HFM1: variants seen among roughly 807,000 people sequenced by gnomAD.
HFM1 encodes the protein helicase for meiosis 1.
In HFM1, 169 loss-of-function variants were observed where a neutral mutation model predicts 192.1. The ratio of observed to expected loss-of-function variants is 0.88; its 90% CI spans 0.78 to 1.00. The LOEUF is 1.00. Ranked by LOEUF, HFM1 falls within the 50% of genes least tolerant of loss-of-function variation. The pLI, the probability that HFM1 is intolerant of heterozygous loss-of-function variation, is 0.00. For synonymous variants in HFM1, 525 were observed against 537.8 expected (o/e 0.98, Z 0.33); for missense variants, 1,661 against 1,668.0 (o/e 1.00, Z 0.07).
At chr1:91,370,948 C>G (rs1384248011) in intron 13 of HFM1, among the ~76,000 whole-genome samples, 2 of 151,926 alleles carry the variant, frequency 1.3e-5, no homozygotes, top group Admixed American at 1.3e-4. Context: ...ACACCAATAA[C>G]AGACAAACAG....
intron 34 of HFM1, among the ~76,000 whole-genome samples, chr1:91,270,031 A>T (rs1666130608): frequency 6.6e-6 from 1 of 152,118 alleles, no homozygotes; most frequent in Admixed American, 6.6e-5. Flanking sequence ...GTAAAGGATA[A>T]CTATTGAAGA....
At chr1:91,288,895 C>A (rs527795181) in intron 30 of HFM1, among the ~76,000 whole-genome samples, 1 of 152,346 alleles carries the variant, frequency 6.6e-6, no homozygotes, top group African/African-American at 2.4e-5. Flanking sequence ...GTTGGGTACA[C>A]CTCCCAGACG....
At chr1:91,281,717 A>C (rs1479868883) in intron 30 of HFM1, among the ~76,000 whole-genome samples, 2 of 151,940 alleles carry the variant, frequency 1.3e-5, no homozygotes, top group African/African-American at 2.4e-5. Flanking sequence ...TTTCCCTTGG[A>C]ATTTTATTTT....
At chr1:91,369,413 T>G (rs977249451) in intron 13 of HFM1, among the ~76,000 whole-genome samples, 2 of 152,138 alleles carry the variant, frequency 1.3e-5, no homozygotes, top group African/African-American at 4.8e-5. Context: ...CAGACCACAG[T>G]GCAATCACAC....
At chr1:91,345,212 A>G (rs547536884) in intron 19 of HFM1, among the ~76,000 whole-genome samples, 1 of 152,318 alleles carries the variant, frequency 6.6e-6, no homozygotes, top group African/African-American at 2.4e-5. Context: ...AGACCTCTCT[A>G]AAAGTTAATA....
chr1:91,331,745 A>C (rs1041239549), intron 20 of HFM1, among the ~76,000 whole-genome samples: 20 of 152,180 alleles, frequency 1.3e-4, no homozygotes, highest in Non-Finnish European at 4.4e-5. Flanking sequence ...AAAATACAAA[A>C]ATTAGCTGGG....
intron 20 of HFM1, chr1:91,329,242 T>G: frequency 1.2e-6 from 2 of 1,609,804 alleles, no homozygotes; most frequent in Non-Finnish European, 1.7e-6. Context: ...CCTGAGGTGC[T>G]GGGCCCAGAG....
chr1:91,293,429 C>T (rs1669013673), intron 30 of HFM1, among the ~76,000 whole-genome samples: 3 of 152,028 alleles, frequency 2.0e-5, no homozygotes, highest in Non-Finnish European at 2.9e-5. Flanking sequence ...ATTTATGCAG[C>T]CAAAAAACAC....
chr1:91,306,139 G>A (rs1649570057), intron 30 of HFM1, among the ~76,000 whole-genome samples: 1 of 152,072 alleles, frequency 6.6e-6, no homozygotes, highest in Non-Finnish European at 1.5e-5. Context: ...TTCAAGACCA[G>A]CCTGACCAAC....
chr1:91,282,472 T>A (rs1392612300), intron 30 of HFM1, among the ~76,000 whole-genome samples: 1 of 152,226 alleles, frequency 6.6e-6, no homozygotes. Context: ...TTCCTTATTT[T>A]GGACTTTCAC....
chr1:91,300,701 A>G (rs1648605297), intron 30 of HFM1, among the ~76,000 whole-genome samples: 1 of 152,216 alleles, frequency 6.6e-6, no homozygotes, highest in African/African-American at 2.4e-5. Context: ...TTATCTCAAT[A>G]GATGCAGAAA....
At chr1:91,329,243 G>A in intron 20 of HFM1, 1 of 1,609,700 alleles carries the variant, frequency 6.2e-7, no homozygotes, top group Non-Finnish European at 8.5e-7. Context: ...CTGAGGTGCT[G>A]GGCCCAGAGT....
intron 21 of HFM1, 41 bp downstream of exon 21, chr1:91,324,634 T>C (rs1453665230): frequency 3.4e-6 from 3 of 877,630 alleles, no homozygotes; most frequent in Admixed American, 4.0e-5. Flanking sequence ...TATTTTATAC[T>C]ATACCACTAT....
chr1:91,312,042 G>A (rs1036332065), intron 30 of HFM1, among the ~76,000 whole-genome samples: 7 of 152,164 alleles, frequency 4.6e-5, no homozygotes, highest in East Asian at 1.9e-4. Flanking sequence ...GTCAAGAATC[G>A]AGGTTTGGGA....
At chr1:91,404,680 G>C (rs1664696287) in intron 1 of HFM1, 118 bp downstream of exon 1, 1 of 293,178 alleles carries the variant, frequency 3.4e-6, no homozygotes, top group African/African-American at 2.4e-5. Context: ...CTGCCTGCCC[G>C]GCAGACGGCT....
At chr1:91,304,363 T>G (rs1228268493) in intron 30 of HFM1, among the ~76,000 whole-genome samples, 1 of 152,194 alleles carries the variant, frequency 6.6e-6, no homozygotes, top group Non-Finnish European at 1.5e-5. Context: ...TTTTCTTTGG[T>G]TACTTGAGCT....
At chr1:91,314,723 T>C (rs1305100225) in intron 28 of HFM1, among the ~76,000 whole-genome samples, 1 of 152,224 alleles carries the variant, frequency 6.6e-6, no homozygotes, top group Non-Finnish European at 1.5e-5. Flanking sequence ...TAAATTTATA[T>C]AAAATGGTTT....
chr1:91,361,719 T>C (rs572756526), intron 13 of HFM1, among the ~76,000 whole-genome samples: 1 of 152,300 alleles, frequency 6.6e-6, no homozygotes, highest in African/African-American at 2.4e-5. Context: ...AGCATCATCC[T>C]GATACCAAAA....
At chr1:91,314,745 C>T (rs1345282170) in intron 28 of HFM1, among the ~76,000 whole-genome samples, 1 of 152,130 alleles carries the variant, frequency 6.6e-6, no homozygotes, top group Non-Finnish European at 1.5e-5. Context: ...TATCTAATAA[C>T]ATCACAAGCC....
Sources: gnomAD v4.1 joint callset for allele counts (sites outside exome capture counted in the v4.1 genomes callset) on GRCh38, gnomAD v4.1.1 for gene constraint, MANE v1.5 for transcripts, NCBI Gene and HGNC (gene_info 2026-07-23, HGNC 2026-07-21) for gene names.